The following SLC30A9 variants were observed in gnomAD, a reference collection of about 807,000 sequenced individuals.
SLC30A9 encodes the protein solute carrier family 30 member 9.
SLC30A9 carries 58 observed loss-of-function variants against 87.5 expected under a neutral mutation model. The observed-to-expected ratio is 0.66, with a 90% confidence interval of 0.54 to 0.82. The LOEUF is 0.82. Among genes scored for constraint, SLC30A9 ranks in the 40% least tolerant of loss-of-function variants. The probability of loss-of-function intolerance (pLI) is 0.00; values close to 1 mark genes in which losing one functional copy is unlikely to be tolerated. For synonymous variants in SLC30A9, 234 were observed against 233.0 expected, an observed-to-expected ratio of 1.00 and a Z score of -0.04; for missense variants, 557 against 679.1, an observed-to-expected ratio of 0.82 and a Z score of 2.00.
intron 6 of SLC30A9, among the ~76,000 whole-genome samples, chr4:42,027,369 G>A (rs1221363691): frequency 6.6e-6 from 1 of 152,118 alleles, no homozygotes; most frequent in South Asian, 2.1e-4. Context: ...GACTGCGTGT[G>A]GTGCTCCTGT....
rs557313178 is a variant in SLC30A9, at chr4:42,078,265, T to C, written c.1602T>C (p.His534=). 5.7e-6 allele frequency: 9 copies of C among 1,588,792 alleles called. No individual in the cohort carries two copies. In the East Asian group the frequency reaches 1.8e-4, roughly 32 times the overall value. ...AACTAGAGACCTTTATGCTTAAACA[T>C]GGAGAAAATATTATTGATACTTTAG... is the stretch of plus-strand genomic sequence containing the variant. ...PEELETFMLK[H]GENIIDTLGA... is the part of the protein sequence containing the mutation. Residue 534 remains histidine, a synonymous_variant, in exon 17 of 18, where the codon CAT becomes CAC. Transcript: ENST00000264451.
In SLC30A9 at chr4:42,022,821, CAT is replaced by C; in HGVS notation, c.435-16_435-15del. 6.8e-7 allele frequency: 1 copy of C among 1,480,202 alleles called. No homozygotes were observed. Among genetic ancestry groups the C allele is most frequent in the Non-Finnish European group, 9.3e-7 (1 of 1,074,594 alleles). The allele number at this position is 1,480,202 out of a possible 1,614,324, so 91.7% of individuals were successfully genotyped here. A position where few individuals can be genotyped will look rare whatever the true frequency, so the allele number is the denominator to read the frequency against. On this transcript the variant is annotated splice_polypyrimidine_tract_variant and intron_variant, in intron 4 of 17. Transcript: ENST00000264451. The stretch of plus-strand genomic sequence containing the variant: ...ATGCACTTTGTCTGAATAAATTCAA[CAT>C]GTTTCTTTCTCTAGTGATCTAGAAC...
At chr4:41,993,053 A>G (rs1714524172) in intron 1 of SLC30A9, among the ~76,000 whole-genome samples, 2 of 152,052 alleles carry the variant, frequency 1.3e-5, no homozygotes, top group African/African-American at 2.4e-5. Context: ...ACTGTCTAAA[A>G]GAAATATGAG....
At chr4:42,075,444 G>A (rs1324181161) in intron 15 of SLC30A9, among the ~76,000 whole-genome samples, 2 of 151,704 alleles carry the variant, frequency 1.3e-5, no homozygotes, top group Admixed American at 6.6e-5. Context: ...TGTTAAGTTT[G>A]CACCTTTGTA....
chr4:41,999,530 A>G (rs373569347), intron 1 of SLC30A9, among the ~76,000 whole-genome samples: 8 of 152,144 alleles, frequency 5.3e-5, no homozygotes, highest in African/African-American at 1.9e-4. Flanking sequence ...CTGAAGTTAG[A>G]TAAAGCCTTT....
chr4:42,044,385 G>GAAAAA (rs1717052457), intron 8 of SLC30A9, among the ~76,000 whole-genome samples: 1 of 14,498 alleles, frequency 6.9e-5, no homozygotes, highest in Admixed American at 6.2e-4. Flanking sequence ...TAAATGGAAA[G>GAAAAA]CAAAAAAAAA....
At chr4:42,030,175 A>G in intron 6 of SLC30A9, 1 of 662,276 alleles carries the variant, frequency 1.5e-6, no homozygotes, top group South Asian at 2.5e-5. Flanking sequence ...AAAAAAAGAT[A>G]CAAAAGCCTG....
chr4:42,053,332 C>T (rs576619929), intron 9 of SLC30A9, among the ~76,000 whole-genome samples: 13 of 152,218 alleles, frequency 8.5e-5, no homozygotes, highest in Non-Finnish European at 1.6e-4. Context: ...TATCCTGTGA[C>T]CCACCAATTC....
chr4:42,042,807 G>T (rs1215697903), intron 8 of SLC30A9, among the ~76,000 whole-genome samples: 1 of 152,174 alleles, frequency 6.6e-6, no homozygotes, highest in Non-Finnish European at 1.5e-5. Flanking sequence ...GGGATCAACA[G>T]ACACCTCATA....
intron 4 of SLC30A9, among the ~76,000 whole-genome samples, chr4:42,022,500 A>G (rs1227611527): frequency 6.6e-6 from 1 of 152,022 alleles, no homozygotes; most frequent in Non-Finnish European, 1.5e-5. Flanking sequence ...GGAGTGAGCC[A>G]CCACGCATTA....
At chr4:42,063,969 T>C (rs1717976038) in intron 11 of SLC30A9, among the ~76,000 whole-genome samples, 1 of 152,216 alleles carries the variant, frequency 6.6e-6, no homozygotes, top group Non-Finnish European at 1.5e-5. Flanking sequence ...AACAGACATC[T>C]TTAACACACT....
chr4:42,067,192 G>C lies in SLC30A9; in HGVS notation c.1252G>C (p.Gly418Arg). ...TTGCATGGGCCTTACTTCTATAACA[G>C]GTAAATATTCCTTAAATTACAGGTG... Reference protein sequence around the residue: ...ATCMGLTSITGNPLYDSLGSL... With the variant: ...ATCMGLTSITRNPLYDSLGSL... Residue 418 changes from glycine to arginine, a missense_variant and splice_region_variant, in exon 14 of 18, where the codon GGC (glycine) becomes CGC (arginine). Physicochemically the swap from Gly to Arg is moderately radical, Grantham distance 125 (BLOSUM62 -2). This residue lies in a region of SLC30A9 where 467 missense variants were observed against 529.8 expected (regional missense o/e 0.88). Coordinates refer to ENST00000264451, the MANE Select transcript of SLC30A9 (RefSeq NM_006345.4). 1.3e-6 allele frequency: 2 copies of C among 1,536,874 alleles called. No homozygotes were observed. The highest frequency in any genetic ancestry group is 1.8e-6 in the Non-Finnish European group (2 of 1,110,572).
Position 42,086,110 on chromosome 4 carries a change from A to C in SLC30A9, c.1691A>C (p.Asp564Ala), listed in dbSNP as rs755415031. Residue 564 changes from aspartate to alanine, a missense_variant, in exon 18 of 18, where the codon GAT becomes GCT. Asp to Ala is a moderately radical substitution (Grantham distance 126, BLOSUM62 -2). This residue lies in a region of SLC30A9 where 90 missense variants were observed against 149.4 expected (regional missense o/e 0.60). Coordinates refer to ENST00000264451, the MANE Select transcript of SLC30A9 (RefSeq NM_006345.4). ...KKRNPEVRHV[D>A]LEIL ...CGAAATCCTGAAGTTCGACATGTAGATTTGGAGATACTGTGAGTTTGATGG... is the reference window on the plus strand; with the variant it reads ...CGAAATCCTGAAGTTCGACATGTAGCTTTGGAGATACTGTGAGTTTGATGG... 6.5e-7 allele frequency: 1 copy of C among 1,531,866 alleles called. No homozygotes were observed. Among genetic ancestry groups the C allele is most frequent in the Admixed American group, 1.7e-5 (1 of 57,874 alleles). The allele number at this position is 1,531,866 out of a possible 1,614,324, so 94.9% of individuals were successfully genotyped here. A position where few individuals can be genotyped will look rare whatever the true frequency, so the allele number is the denominator to read the frequency against.
In SLC30A9 at chr4:42,079,516, A is replaced by T. The variant is rs185431623; in HGVS notation, c.1662+1191A>T. ...ACCATGTTGGCCAGGCTGGTCTCGAACTCCTGACCTCAAGTGATCTGCCTG... is the reference window on the plus strand; with the variant it reads ...ACCATGTTGGCCAGGCTGGTCTCGATCTCCTGACCTCAAGTGATCTGCCTG... On this transcript the variant is annotated intron_variant, in intron 17 of 17. Coordinates refer to ENST00000264451, the MANE Select transcript of SLC30A9 (RefSeq NM_006345.4). Among the ~76,000 whole-genome samples the T allele has an allele frequency of 1.6e-4, 24 of 151,704 alleles. No homozygotes were observed. In the East Asian group the frequency reaches 1.7e-3, roughly 11 times the overall value.
chr4:41,998,305 A>G (rs1356951188), intron 1 of SLC30A9, among the ~76,000 whole-genome samples: 5 of 152,228 alleles, frequency 3.3e-5, no homozygotes, highest in Admixed American at 6.5e-5. Flanking sequence ...ATACACAGCC[A>G]TAAGGAAGTT....
intron 11 of SLC30A9, among the ~76,000 whole-genome samples, chr4:42,063,572 G>A (rs1373002850): frequency 6.6e-6 from 1 of 152,148 alleles, no homozygotes; most frequent in African/African-American, 2.4e-5. Flanking sequence ...CCTGCACTGG[G>A]GGAATGGGAG....
At chr4:42,073,885 A>G (rs1718416510) in intron 15 of SLC30A9, among the ~76,000 whole-genome samples, 1 of 152,256 alleles carries the variant, frequency 6.6e-6, no homozygotes, top group Non-Finnish European at 1.5e-5. Context: ...GCTTGCGTAT[A>G]GGTGGCAGGG....
chr4:42,074,845 T>C (rs2153140894), intron 15 of SLC30A9, among the ~76,000 whole-genome samples: 1 of 151,774 alleles, frequency 6.6e-6, no homozygotes, highest in African/African-American at 2.4e-5. Context: ...TTCACAGCAT[T>C]GTATGAAGAC....
intron 15 of SLC30A9, among the ~76,000 whole-genome samples, chr4:42,072,932 C>T (rs954615299): frequency 1.3e-5 from 2 of 151,868 alleles, no homozygotes; most frequent in African/African-American, 4.8e-5. Context: ...TCCTGCCTTA[C>T]CCTCCCAAGT....
Sources: gnomAD v4.1 joint callset for allele counts (sites outside exome capture counted in the v4.1 genomes callset) on GRCh38, gnomAD v4.1.1 for gene constraint, gnomAD v4.1.1 regional missense constraint, MANE v1.5 for transcripts, NCBI Gene and HGNC (gene_info 2026-07-23, HGNC 2026-07-21) for gene names.